Variants in TFEC observed in about 807,000 individuals in gnomAD.
TFEC encodes transcription factor EC, also known as class E basic helix-loop-helix protein 34.
Under a neutral mutation model 41.6 loss-of-function variants are expected in TFEC, and 31 were observed. That is an observed-to-expected ratio of 0.74 (90% CI 0.56 to 1.01). The LOEUF (loss-of-function observed/expected upper bound fraction) is 1.01. Ranked by LOEUF, TFEC falls within the 50% of genes least tolerant of loss-of-function variation. The pLI is 0.00. For missense variants in TFEC, 402 were observed against 404.1 expected (o/e 0.99, Z 0.04); for synonymous variants, 143 against 140.6 (o/e 1.02, Z -0.12).
chr7:116,130,894 G>C (rs771194713), intron 1 of TFEC, among the ~76,000 whole-genome samples: 1 of 152,208 alleles, frequency 6.6e-6, no homozygotes, highest in African/African-American at 2.4e-5. Context: ...TTATAGGCAT[G>C]AGCCACTGCA....
rs528118780 is a variant in TFEC, at chr7:115,955,419, G to T, written c.383-777C>A. On this transcript the variant is annotated intron_variant, in intron 4 of 7. Transcript: ENST00000265440. The stretch of plus-strand genomic sequence containing the variant: ...GTTGTCATGTCATGAGGACACTCAA[G>T]CAACCCTATGAAGAAGTCCAAGCAG... Among the ~76,000 whole-genome samples the T allele has an allele frequency of 2.0e-5, 3 of 152,154 alleles. No homozygotes were observed. In the South Asian group the frequency reaches 6.2e-4, roughly 32 times the overall value.
chr7:116,122,288 T>G (rs1798123861), intron 1 of TFEC, among the ~76,000 whole-genome samples: 1 of 152,076 alleles, frequency 6.6e-6, no homozygotes, highest in Non-Finnish European at 1.5e-5. Context: ...TGTTATAAAG[T>G]CACAGGTTAG....
chr7:116,085,474 G>T (rs557192814), intron 3 of TFEC, among the ~76,000 whole-genome samples: 100 of 151,868 alleles, frequency 6.6e-4, no homozygotes, highest in African/African-American at 2.2e-3. Context: ...GAAATTTATA[G>T]AACGGGTTTG....
At chr7:115,950,226 G>T (rs1288592160) in intron 6 of TFEC, among the ~76,000 whole-genome samples, 1 of 152,012 alleles carries the variant, frequency 6.6e-6, no homozygotes, top group Non-Finnish European at 1.5e-5. Context: ...TGGCCAGGAT[G>T]GTCTTAAACT....
intron 3 of TFEC, among the ~76,000 whole-genome samples, chr7:116,057,009 C>T (rs924579975): frequency 2.0e-5 from 3 of 151,788 alleles, no homozygotes; most frequent in Non-Finnish European, 4.4e-5. Flanking sequence ...ATGAAAGCTA[C>T]GATGTGAGAT....
chr7:116,071,848 A>G (rs1796837308), intron 3 of TFEC, among the ~76,000 whole-genome samples: 1 of 151,430 alleles, frequency 6.6e-6, no homozygotes, highest in Admixed American at 6.6e-5. Context: ...ACTGAAACCT[A>G]TTTTCAGTTA....
intron 3 of TFEC, among the ~76,000 whole-genome samples, chr7:116,059,322 T>C (rs1796499501): frequency 6.6e-6 from 1 of 151,872 alleles, no homozygotes; most frequent in Admixed American, 6.6e-5. Context: ...ACCTAAATAA[T>C]CTATACCTGT....
chr7:116,006,151 G>A (rs767505763), intron 1 of TFEC, among the ~76,000 whole-genome samples: 5 of 152,304 alleles, frequency 3.3e-5, no homozygotes, highest in Middle Eastern at 3.4e-3. Context: ...GGAAATGTGG[G>A]GTCAGAGCCT....
chr7:116,084,467 A>T (rs1210022891), intron 3 of TFEC, among the ~76,000 whole-genome samples: 2 of 151,844 alleles, frequency 1.3e-5, no homozygotes, highest in Non-Finnish European at 2.9e-5. Flanking sequence ...ACTGAGTCCG[A>T]GCTCGTTCTA....
At chr7:116,103,362 A>G (rs1162294880) in intron 3 of TFEC, among the ~76,000 whole-genome samples, 3 of 152,248 alleles carry the variant, frequency 2.0e-5, no homozygotes, top group African/African-American at 7.2e-5. Context: ...CTGCTTACAC[A>G]GGATTCAGAG....
At chr7:116,132,535 G>A (rs1315356580) in intron 1 of TFEC, among the ~76,000 whole-genome samples, 3 of 152,128 alleles carry the variant, frequency 2.0e-5, no homozygotes, top group Non-Finnish European at 2.9e-5. Flanking sequence ...AAGTAAAGTT[G>A]GCATTGTTTT....
chr7:115,990,916 A>C (rs1042035071), intron 1 of TFEC, among the ~76,000 whole-genome samples: 4 of 152,174 alleles, frequency 2.6e-5, no homozygotes, highest in Non-Finnish European at 5.9e-5. Flanking sequence ...AGCAACTCTA[A>C]GACACATAAT....
intron 1 of TFEC, among the ~76,000 whole-genome samples, chr7:116,023,330 G>T (rs1795470134): frequency 6.6e-6 from 1 of 152,104 alleles, no homozygotes; most frequent in Admixed American, 6.6e-5. Flanking sequence ...AGGTATACAA[G>T]AATTCAAAGA....
At chr7:116,110,772 A>C in exon 3 of TFEC, 1 of 1,546,634 alleles carries the variant, frequency 6.5e-7, no homozygotes, top group Non-Finnish European at 8.7e-7. Flanking sequence ...TCTATGCAAC[A>C]CTGGTTTGTA....
chr7:115,939,860 C>T lies in TFEC; in HGVS notation c.*691G>A, dbSNP rs991595921. 6.6e-6 allele frequency: 1 copy of T among 151,972 alleles called. No individual in the cohort carries two copies. The highest frequency in any genetic ancestry group is 1.5e-5 in the Non-Finnish European group (1 of 67,966). 9.4% of individuals were successfully genotyped at this position (151,972 alleles called of 1,614,324 possible). On this transcript the variant is annotated 3_prime_UTR_variant, in exon 8 of 8. Coordinates refer to ENST00000265440, the MANE Select transcript of TFEC (RefSeq NM_012252.4). ...ATATGTTCCTTTTCCTGAACAGAGA[C>T]TGGAGATATAAATATGCATGGATGC...
intron 1 of TFEC, among the ~76,000 whole-genome samples, chr7:115,990,082 T>G (rs1447391029): frequency 6.6e-6 from 1 of 152,228 alleles, no homozygotes; most frequent in Non-Finnish European, 1.5e-5. Flanking sequence ...TTTGCTGTTC[T>G]GCAGCCTCTG....
intron 1 of TFEC, among the ~76,000 whole-genome samples, chr7:116,132,576 TATA>T (rs1369781231): frequency 2.0e-5 from 3 of 152,246 alleles, no homozygotes; most frequent in African/African-American, 7.2e-5. Flanking sequence ...CAGTGAAGAA[TATA>T]ATGACTGACT....
At chr7:116,109,597 A>T (rs1797802337) in intron 3 of TFEC, among the ~76,000 whole-genome samples, 1 of 152,224 alleles carries the variant, frequency 6.6e-6, no homozygotes. Flanking sequence ...GAGGATGTGG[A>T]GAAATAGGAA....
At position 115,984,306 on chromosome 7, in the gene TFEC, T is replaced by C; in HGVS notation, c.136A>G (p.Lys46Glu). The change falls in exon 2 of 8, where the codon AAG becomes GAG. Residue 46 changes from lysine (K) to glutamate (E), a missense_variant. By Grantham distance (56) the Lys-to-Glu change is moderately conservative. Transcript: ENST00000265440. ...TCTTCTTTCCCAATAGCTAGTAACT[T>C]GGTGAGTGGGTTTTCTGTGAGGCCA... The part of the protein sequence containing the change: ...DAGLTENPLT[K>E]LLAIGKEDDN... 2.5e-6 allele frequency: 4 copies of C among 1,614,152 alleles called. No homozygotes were observed. Among genetic ancestry groups the C allele is most frequent in the Non-Finnish European group, 3.4e-6 (4 of 1,179,968 alleles).
Sources: allele counts gnomAD v4.1 joint callset (sites outside exome capture counted in the v4.1 genomes callset), GRCh38; gene constraint gnomAD v4.1.1; transcripts MANE v1.5; gene names NCBI Gene and HGNC (gene_info 2026-07-23, HGNC 2026-07-21).